The following LHPP variants were observed in gnomAD, a reference collection of about 807,000 sequenced individuals.
The protein encoded by LHPP is phospholysine phosphohistidine inorganic pyrophosphate phosphatase.
Under a neutral mutation model 30.3 loss-of-function variants are expected in LHPP, and 24 were observed. That is an observed-to-expected ratio of 0.79 (90% CI 0.57 to 1.11). LHPP has a LOEUF of 1.11. Ranked by LOEUF, LHPP falls within the 50% of genes most tolerant of loss-of-function variation. The probability of loss-of-function intolerance (pLI) is 0.00; values close to 1 mark genes in which losing one functional copy is unlikely to be tolerated. For synonymous variants in LHPP, 150 were observed against 157.1 expected (o/e 0.95, Z 0.34); for missense variants, 356 against 367.2 (o/e 0.97, Z 0.25).
Position 124,613,713 on chromosome 10 carries a change from G to A in LHPP, c.*353G>A. The stretch of plus-strand genomic sequence containing the variant: ...ATCCCAGAACTCACCACTCACCATG[G>A]GCCTTTAAATGCAGTAAACTCCACC... On this transcript the variant is annotated 3_prime_UTR_variant, in exon 7 of 7. Transcript: ENST00000368842. The A allele has an allele frequency of 2.8e-6, 1 of 351,202 alleles. No homozygotes were observed. Among genetic ancestry groups the A allele is most frequent in the Admixed American group, 4.1e-5 (1 of 24,306 alleles). The allele number at this position is 351,202 out of a possible 1,614,324, so 21.8% of individuals were successfully genotyped here.
rs1428762279 is a variant in LHPP, at chr10:124,524,255, A to T, written c.716+6984A>T. On this transcript the variant is annotated intron_variant, in intron 6 of 6. Transcript: ENST00000368842. Reference sequence around the variant, plus strand: ...CAATCACTAATCTACTTTATGTCATACTTTCTTTCTTTTGTTTTCATTTTT... The same window carrying T: ...CAATCACTAATCTACTTTATGTCATTCTTTCTTTCTTTTGTTTTCATTTTT... 2.0e-5 allele frequency among the ~76,000 whole-genome samples: 3 copies of T among 150,174 alleles called. No homozygotes were observed. In the East Asian group the frequency reaches 5.9e-4, roughly 29 times the overall value.
intron 6 of LHPP, among the ~76,000 whole-genome samples, chr10:124,561,231 C>A (rs960985792): frequency 6.6e-6 from 1 of 152,156 alleles, no homozygotes; most frequent in Non-Finnish European, 1.5e-5. Flanking sequence ...CCACAGAAAA[C>A]CCTGTGGCCC....
rs115457842 is a variant in LHPP, at chr10:124,482,491, T to C, written c.126-1648T>C. ...CCTTGGGCTTGCAGCTTGATGTCTT[T>C]TCCACGAGTCCACACTGCAGCTCCA... On this transcript the variant is annotated intron_variant, in intron 1 of 6. Transcript: ENST00000368842. Among the ~76,000 whole-genome samples the C allele has an allele frequency of 6.5e-3, 983 of 152,262 alleles. 4 individuals are homozygous for C. Among genetic ancestry groups the C allele is most frequent in the African/African-American group, 0.021 (887 of 41,548 alleles).
chr10:124,530,951 G>A (rs1954886672), intron 6 of LHPP, among the ~76,000 whole-genome samples: 1 of 152,158 alleles, frequency 6.6e-6, no homozygotes, highest in African/African-American at 2.4e-5. Context: ...GTCAGAGAGA[G>A]GCCTAAGAAC....
chr10:124,606,657 C>A (rs1252552226), intron 6 of LHPP, among the ~76,000 whole-genome samples: 1 of 152,266 alleles, frequency 6.6e-6, no homozygotes, highest in Non-Finnish European at 1.5e-5. Flanking sequence ...GGTGAAGAGA[C>A]CGGCCCTGGG....
intron 6 of LHPP, among the ~76,000 whole-genome samples, chr10:124,595,241 C>T (rs745854126): frequency 8.5e-5 from 13 of 152,288 alleles, no homozygotes; most frequent in Middle Eastern, 3.4e-3. Context: ...CTGTTCTTCC[C>T]CACCCGCTGC....
intron 1 of LHPP, among the ~76,000 whole-genome samples, chr10:124,465,342 C>T (rs1016750501): frequency 6.6e-6 from 1 of 152,224 alleles, no homozygotes; most frequent in East Asian, 1.9e-4. Context: ...GGACTTTATC[C>T]TGAGTGGCAG....
rs1953243924 is a variant in LHPP, at chr10:124,484,237, T to C, written c.224T>C (p.Ile75Thr). ...CAGCTTCAGAGGCTGGGATTTGACA[T>C]CTCTGAGCAGGAGGTGACCGCCCCG... ...VGQLQRLGFD[I>T]SEQEVTAPAP... The change falls in exon 2 of 7, where the codon ATC (isoleucine) becomes ACC (threonine). Residue 75 changes from isoleucine to threonine, a missense_variant. Transcript: ENST00000368842. 1 of 1,613,910 alleles carries C rather than the reference T, an allele frequency of 6.2e-7. No individual in the cohort carries two copies. Among genetic ancestry groups the C allele is most frequent in the African/African-American group, 1.3e-5 (1 of 74,912 alleles).
chr10:124,566,510 G>C (rs1169183809), intron 6 of LHPP, among the ~76,000 whole-genome samples: 1 of 152,216 alleles, frequency 6.6e-6, no homozygotes, highest in African/African-American at 2.4e-5. Flanking sequence ...CCACTGGCAG[G>C]AGTCAGTTGT....
chr10:124,608,779 T>G (rs574781817), intron 6 of LHPP, among the ~76,000 whole-genome samples: 26 of 152,336 alleles, frequency 1.7e-4, no homozygotes, highest in African/African-American at 5.3e-4. Context: ...GAGAGAAGCC[T>G]GTCATCTGTC....
chr10:124,518,393 C>T (rs374243699), intron 6 of LHPP, among the ~76,000 whole-genome samples: 26 of 152,380 alleles, frequency 1.7e-4, no homozygotes, highest in African/African-American at 6.0e-4. Context: ...CCCAATCCTG[C>T]CTTTCCTGCA....
intron 6 of LHPP, among the ~76,000 whole-genome samples, chr10:124,598,178 T>C (rs1948974586): frequency 6.6e-6 from 1 of 152,166 alleles, no homozygotes; most frequent in South Asian, 2.1e-4. Flanking sequence ...CCTCACCAGG[T>C]CCCCAGTGGG....
At chr10:124,581,441 G>A (rs773341906) in intron 6 of LHPP, among the ~76,000 whole-genome samples, 3 of 152,322 alleles carry the variant, frequency 2.0e-5, no homozygotes, top group Middle Eastern at 3.4e-3. Flanking sequence ...GCTGGGTCAC[G>A]TGGTATCTAT....
chr10:124,525,234 G>A (rs1217777966), intron 6 of LHPP, among the ~76,000 whole-genome samples: 1 of 152,216 alleles, frequency 6.6e-6, no homozygotes, highest in African/African-American at 2.4e-5. Context: ...GTCCCTCAGA[G>A]GGAACATCTG....
rs548662542 is a variant in LHPP, at chr10:124,495,264, TCA to T, written c.468-1696_468-1695del. Among the ~76,000 whole-genome samples, 207 of 152,148 alleles carry T rather than the reference TCA, an allele frequency of 1.4e-3. 1 individual carries two copies. Among genetic ancestry groups the T allele is most frequent in the Middle Eastern group, 0.01 (3 of 294 alleles). ...TGCCGTGACCCCAGAGCACAGAGCC[TCA>T]GAGGCTGTGGAACAGGCCTGGGGTT... On this transcript the variant is annotated intron_variant, in intron 3 of 6. Coordinates refer to ENST00000368842, the MANE Select transcript of LHPP (RefSeq NM_022126.4).
chr10:124,484,298 C>T lies in LHPP; in HGVS notation c.285C>T (p.Gly95=). 6.2e-7 allele frequency: 1 copy of T among 1,613,852 alleles called. No homozygotes were observed. Among genetic ancestry groups the T allele is most frequent in the Non-Finnish European group, 8.5e-7 (1 of 1,179,904 alleles). Residue 95 remains glycine, a synonymous_variant, in exon 2 of 7, where the codon GGC becomes GGT. Transcript: ENST00000368842. ...PAACQILKEQ[G]LRPYLLIHDG... Reference sequence around the variant, plus strand: ...CCTGCCAGATCCTGAAGGAGCAAGGCCTGCGACCATACCTGCTCATCCATG... The same window carrying T: ...CCTGCCAGATCCTGAAGGAGCAAGGTCTGCGACCATACCTGCTCATCCATG...
At chr10:124,594,565 G>A (rs902778027) in intron 6 of LHPP, among the ~76,000 whole-genome samples, 1 of 151,660 alleles carries the variant, frequency 6.6e-6, no homozygotes, top group Admixed American at 6.6e-5. Context: ...AGGGTCGAAC[G>A]TCTCCTTTTC....
chr10:124,594,229 C>T (rs551246637), intron 6 of LHPP, among the ~76,000 whole-genome samples: 83 of 146,008 alleles, frequency 5.7e-4, no homozygotes, highest in African/African-American at 1.9e-3. Context: ...ACTCAGGAGG[C>T]GGAGGCAAGA....
In LHPP at chr10:124,612,036, G is replaced by A. The variant is rs190330984; in HGVS notation, c.717-1228G>A. ...TGTGGGTGCAAGGCTGTGGGGAGGG[G>A]CCTTCTGGCTCACAGCCCTCCAGGC... On this transcript the variant is annotated intron_variant, in intron 6 of 6. Coordinates refer to ENST00000368842, the MANE Select transcript of LHPP (RefSeq NM_022126.4). 2.0e-5 allele frequency among the ~76,000 whole-genome samples: 3 copies of A among 152,332 alleles called. No homozygotes were observed. The East Asian group carries it at 5.8e-4, about 29-fold the overall frequency.
Sources: allele counts gnomAD v4.1 joint callset (sites outside exome capture counted in the v4.1 genomes callset), GRCh38; gene constraint gnomAD v4.1.1; transcripts MANE v1.5; gene names NCBI Gene and HGNC (gene_info 2026-07-23, HGNC 2026-07-21).